The following BRINP3 variants were observed in gnomAD, a reference collection of about 807,000 sequenced individuals.
The protein encoded by BRINP3 is BMP/retinoic acid-inducible neural-specific protein 3.
Under a neutral mutation model 71.0 loss-of-function variants are expected in BRINP3, and 19 were observed. That is an observed-to-expected ratio of 0.27 (90% confidence interval 0.19 to 0.39). The LOEUF is 0.39. Ranked by LOEUF, BRINP3 falls within the 10% of genes least tolerant of loss-of-function variation. The probability of loss-of-function intolerance (pLI) is 1.00; values close to 1 mark genes in which losing one functional copy is unlikely to be tolerated. For synonymous variants in BRINP3, 380 were observed against 337.7 expected, an observed-to-expected ratio of 1.13 and a Z score of -1.37; for missense variants, 959 against 940.8, an observed-to-expected ratio of 1.02 and a Z score of -0.25.
chr1:190,251,489 T>A (rs1188502719), intron 4 of BRINP3, among the ~76,000 whole-genome samples: 1 of 151,902 alleles, frequency 6.6e-6, no homozygotes, highest in Non-Finnish European at 1.5e-5. Flanking sequence ...GCCATGTAGC[T>A]CTAGAATTAG....
At chr1:190,241,458 T>C (rs979390876) in intron 4 of BRINP3, among the ~76,000 whole-genome samples, 2 of 151,986 alleles carry the variant, frequency 1.3e-5, no homozygotes, top group African/African-American at 4.8e-5. Context: ...TTAATCAATG[T>C]AATTAATTCT....
intron 6 of BRINP3, among the ~76,000 whole-genome samples, chr1:190,199,210 C>T (rs543245413): frequency 7.6e-4 from 115 of 152,270 alleles, no homozygotes; most frequent in African/African-American, 2.7e-3. Context: ...CCCACTGGGT[C>T]CCTCCCATGA....
chr1:190,251,355 C>A (rs1263058198), intron 4 of BRINP3, among the ~76,000 whole-genome samples: 24 of 151,918 alleles, frequency 1.6e-4, no homozygotes, highest in Non-Finnish European at 4.4e-5. Flanking sequence ...TTCCTGACAA[C>A]CTTATGATGT....
intron 7 of BRINP3, among the ~76,000 whole-genome samples, chr1:190,159,300 AAC>A (rs1271730711): frequency 2.0e-5 from 3 of 152,086 alleles, no homozygotes; most frequent in Non-Finnish European, 4.4e-5. Context: ...CACTGTGAAA[AAC>A]AGTTTGGTAG....
chr1:190,233,229 T>C (rs988896674), intron 5 of BRINP3, among the ~76,000 whole-genome samples: 1 of 152,142 alleles, frequency 6.6e-6, no homozygotes, highest in African/African-American at 2.4e-5. Flanking sequence ...ATGTCCAGGC[T>C]GGAGTGACAG....
At chr1:190,363,481 T>C (rs1571865035) in intron 2 of BRINP3, among the ~76,000 whole-genome samples, 1 of 152,108 alleles carries the variant, frequency 6.6e-6, no homozygotes, top group Non-Finnish European at 1.5e-5. Flanking sequence ...AGAGGCAAGA[T>C]ATGAACGAGA....
At chr1:190,245,540 C>T (rs1659513612) in intron 4 of BRINP3, among the ~76,000 whole-genome samples, 1 of 151,830 alleles carries the variant, frequency 6.6e-6, no homozygotes, top group African/African-American at 2.4e-5. Flanking sequence ...ACATCATCAG[C>T]TATGTTAATT....
rs1041183120 is a variant in BRINP3, at chr1:190,331,962, GTTA to G, written c.237-50215_237-50213del. On this transcript the variant is annotated intron_variant, in intron 2 of 7. Coordinates refer to ENST00000367462, the MANE Select transcript of BRINP3 (RefSeq NM_199051.3). ...TCACTAGTATTTTCTTAATATGGTT[GTTA>G]TTATTATCTTTTCGTGCTTTTTATA... 9.9e-4 allele frequency among the ~76,000 whole-genome samples: 150 copies of G among 151,926 alleles called. 1 individual carries two copies. Among genetic ancestry groups the G allele is most frequent in the Admixed American group, 9.0e-3 (137 of 15,218 alleles).
At chr1:190,162,421 G>A (rs1280041222) in intron 6 of BRINP3, among the ~76,000 whole-genome samples, 1 of 152,000 alleles carries the variant, frequency 6.6e-6, no homozygotes, top group Admixed American at 6.6e-5. Context: ...GGGATTACAG[G>A]AGTAGAGCCA....
intron 2 of BRINP3, among the ~76,000 whole-genome samples, chr1:190,283,645 T>C (rs1023492611): frequency 8.8e-5 from 13 of 148,348 alleles, no homozygotes; most frequent in African/African-American, 3.2e-4. Flanking sequence ...ATATAAAATA[T>C]ATAATATTAA....
intron 6 of BRINP3, among the ~76,000 whole-genome samples, chr1:190,165,460 T>TTG (rs1222112915): frequency 0.024 from 2,327 of 95,136 alleles, 83 homozygotes; most frequent in Non-Finnish European, 0.036. Flanking sequence ...TTTTTTTTTT[T>TTG]TGTGTGTGTG....
intron 2 of BRINP3, among the ~76,000 whole-genome samples, chr1:190,327,825 T>A (rs1666714254): frequency 6.6e-6 from 1 of 152,032 alleles, no homozygotes; most frequent in South Asian, 2.1e-4. Flanking sequence ...TACAGAATAA[T>A]CCACCCGTCA....
chr1:190,158,567 A>T (rs960761546), intron 7 of BRINP3, among the ~76,000 whole-genome samples: 1 of 152,056 alleles, frequency 6.6e-6, no homozygotes, highest in African/African-American at 2.4e-5. Flanking sequence ...ATCATGCAAT[A>T]TACCTATAAA....
At chr1:190,157,074 T>C (rs1423281054) in intron 7 of BRINP3, among the ~76,000 whole-genome samples, 2 of 151,790 alleles carry the variant, frequency 1.3e-5, no homozygotes, top group African/African-American at 4.8e-5. Context: ...GATAATACAG[T>C]CTTCCCTCAG....
At chr1:190,120,931 T>C (rs1411533713) in intron 7 of BRINP3, among the ~76,000 whole-genome samples, 1 of 152,116 alleles carries the variant, frequency 6.6e-6, no homozygotes, top group Non-Finnish European at 1.5e-5. Context: ...TCTATGTCTA[T>C]AGACTAAGAA....
At chr1:190,155,666 G>C (rs1656798431) in intron 7 of BRINP3, among the ~76,000 whole-genome samples, 2 of 152,008 alleles carry the variant, frequency 1.3e-5, no homozygotes, top group Admixed American at 1.3e-4. Context: ...CCCCACATTA[G>C]GGAGGGACCT....
intron 7 of BRINP3, among the ~76,000 whole-genome samples, chr1:190,106,556 G>A (rs1056228275): frequency 5.3e-5 from 8 of 151,362 alleles, no homozygotes; most frequent in Admixed American, 2.0e-4. Flanking sequence ...ATATAAATTT[G>A]TTATGAATAA....
chr1:190,222,898 A>T (rs910808565), intron 6 of BRINP3, among the ~76,000 whole-genome samples: 7 of 151,944 alleles, frequency 4.6e-5, no homozygotes, highest in African/African-American at 1.7e-4. Flanking sequence ...GAACAACTGC[A>T]TGCCAACAAA....
intron 2 of BRINP3, among the ~76,000 whole-genome samples, chr1:190,394,814 C>T (rs1343870799): frequency 6.6e-6 from 1 of 151,238 alleles, no homozygotes; most frequent in Admixed American, 6.6e-5. Flanking sequence ...ATGGATATAA[C>T]CTGAATTTTA....
Sources: allele counts gnomAD v4.1 joint callset (sites outside exome capture counted in the v4.1 genomes callset), GRCh38; gene constraint gnomAD v4.1.1; transcripts MANE v1.5; gene names NCBI Gene and HGNC (gene_info 2026-07-23, HGNC 2026-07-21).